The following SGIP1 variants were observed in gnomAD, a reference collection of about 807,000 sequenced individuals.
SGIP1 encodes the protein SH3-containing GRB2-like protein 3-interacting protein 1.
In SGIP1, 38 loss-of-function variants were observed where a neutral mutation model predicts 107.5. The ratio of observed to expected loss-of-function variants is 0.35; its 90% CI spans 0.27 to 0.46. The LOEUF (loss-of-function observed/expected upper bound fraction) is 0.46, where lower values mean the gene tolerates loss of function less well. SGIP1 is among the 20% of genes least tolerant of loss of function. The pLI is 1.00. For missense variants in SGIP1, 929 were observed against 1,019.5 expected (o/e 0.91, Z 1.21); for synonymous variants, 365 against 366.1 (o/e 1.00, Z 0.03).
At chr1:66,543,624 A>G (rs1007980921) in intron 1 of SGIP1, among the ~76,000 whole-genome samples, 1 of 152,134 alleles carries the variant, frequency 6.6e-6, no homozygotes, top group Non-Finnish European at 1.5e-5. Flanking sequence ...TCATTGTTCT[A>G]CTGAGTACAC....
chr1:66,591,234 C>T (rs1035952858), intron 1 of SGIP1, among the ~76,000 whole-genome samples: 3 of 152,132 alleles, frequency 2.0e-5, no homozygotes, highest in Non-Finnish European at 4.4e-5. Flanking sequence ...CCAACAATGC[C>T]ATATTCCTGC....
At chr1:66,578,107 A>G (rs755274938) in intron 1 of SGIP1, among the ~76,000 whole-genome samples, 1 of 152,172 alleles carries the variant, frequency 6.6e-6, no homozygotes, top group Non-Finnish European at 1.5e-5. Flanking sequence ...ATACATTCCT[A>G]TTACTACTGG....
At chr1:66,606,998 T>C (rs2066977227) in intron 1 of SGIP1, among the ~76,000 whole-genome samples, 2 of 152,312 alleles carry the variant, frequency 1.3e-5, no homozygotes, top group Non-Finnish European at 2.9e-5. Flanking sequence ...TGTTCATGAA[T>C]ATGTTTTTCC....
intron 2 of SGIP1, among the ~76,000 whole-genome samples, chr1:66,630,603 T>C (rs1294668799): frequency 6.6e-6 from 1 of 151,538 alleles, no homozygotes; most frequent in Non-Finnish European, 1.5e-5. Flanking sequence ...TGTCAAGAGT[T>C]TGAGACCAGC....
intron 1 of SGIP1, among the ~76,000 whole-genome samples, chr1:66,592,610 A>C (rs1242579408): frequency 6.6e-6 from 1 of 152,148 alleles, no homozygotes; most frequent in Non-Finnish European, 1.5e-5. Flanking sequence ...TCTCCTTCAA[A>C]GTTCATAGTT....
intron 3 of SGIP1, among the ~76,000 whole-genome samples, chr1:66,633,297 C>T (rs1254874382): frequency 6.6e-6 from 1 of 152,052 alleles, no homozygotes; most frequent in East Asian, 1.9e-4. Flanking sequence ...TGGCATTTAC[C>T]TAAAACCCTG....
intron 7 of SGIP1, among the ~76,000 whole-genome samples, chr1:66,644,916 C>T (rs1012759897): frequency 2.0e-5 from 3 of 152,152 alleles, no homozygotes; most frequent in African/African-American, 7.2e-5. Flanking sequence ...TCTTTTCCTT[C>T]TATAATGGAA....
chr1:66,649,218 A>T (rs1032287610), intron 7 of SGIP1, among the ~76,000 whole-genome samples: 23 of 151,844 alleles, frequency 1.5e-4, no homozygotes, highest in Non-Finnish European at 2.5e-4. Context: ...GCCAAATCTG[A>T]TCTGCCTTTT....
chr1:66,538,293 T>A (rs2054103319), intron 1 of SGIP1, among the ~76,000 whole-genome samples: 1 of 152,146 alleles, frequency 6.6e-6, no homozygotes, highest in African/African-American at 2.4e-5. Context: ...TGCTTCTAAT[T>A]TTCCTACTGA....
intron 15 of SGIP1, among the ~76,000 whole-genome samples, chr1:66,684,499 A>G (rs2087710347): frequency 6.6e-6 from 1 of 152,174 alleles, no homozygotes; most frequent in Admixed American, 6.5e-5. Context: ...AAACCCAAAG[A>G]CATTACTCGT....
At chr1:66,560,086 C>T (rs2058715173) in intron 1 of SGIP1, among the ~76,000 whole-genome samples, 1 of 152,088 alleles carries the variant, frequency 6.6e-6, no homozygotes, top group Non-Finnish European at 1.5e-5. Context: ...GAGCAATACA[C>T]CAACTCATCA....
intron 15 of SGIP1, 29 bp downstream of exon 15, chr1:66,682,398 G>A: frequency 1.3e-6 from 2 of 1,578,988 alleles, no homozygotes; most frequent in East Asian, 2.2e-5. Context: ...TGTGCTTCTT[G>A]TGACGGGGAA....
intron 8 of SGIP1, among the ~76,000 whole-genome samples, chr1:66,661,864 T>C: frequency 6.6e-6 from 1 of 151,982 alleles, no homozygotes. Context: ...TACAAGAATA[T>C]CCCCCCCATC....
chr1:66,599,679 C>A (rs77524962), intron 1 of SGIP1, among the ~76,000 whole-genome samples: 1 of 152,034 alleles, frequency 6.6e-6, no homozygotes, highest in Non-Finnish European at 1.5e-5. Flanking sequence ...TTTGAGTATA[C>A]GAGGAAAATG....
At chr1:66,601,807 T>G (rs529751574) in intron 1 of SGIP1, among the ~76,000 whole-genome samples, 1 of 152,244 alleles carries the variant, frequency 6.6e-6, no homozygotes, top group African/African-American at 2.4e-5. Flanking sequence ...ATTTTTAGAA[T>G]GCTTGTCAAG....
In SGIP1 at chr1:66,745,038, A is replaced by T. The variant is rs2094534206; in HGVS notation, c.*1943A>T. The T allele has an allele frequency of 6.6e-6, 1 of 152,532 alleles. No individual in the cohort carries two copies. Among genetic ancestry groups the T allele is most frequent in the African/African-American group, 2.4e-5 (1 of 41,450 alleles). 9.4% of individuals were successfully genotyped at this position (152,532 alleles called of 1,614,324 possible). On this transcript the variant is annotated 3_prime_UTR_variant, in exon 25 of 25. Transcript: ENST00000371037. The stretch of plus-strand genomic sequence containing the variant: ...GTGTTTTTAAGTAATCAATTCATTT[A>T]AAAAATTGAATATTAATACAAAGCA...
intron 1 of SGIP1, among the ~76,000 whole-genome samples, chr1:66,614,492 C>T (rs2068728280): frequency 6.6e-6 from 1 of 152,148 alleles, no homozygotes; most frequent in Admixed American, 6.5e-5. Flanking sequence ...GCCTTTAAGG[C>T]CTCTCCAAAG....
At chr1:66,563,316 T>G (rs10749762) in intron 1 of SGIP1, among the ~76,000 whole-genome samples, 55,537 of 151,528 alleles carry the variant, frequency 0.37, 11,005 homozygotes, top group South Asian at 0.64. Flanking sequence ...TGTCCCTCTG[T>G]CTGACTCCCG....
chr1:66,597,897 G>T (rs1484965642), intron 1 of SGIP1, among the ~76,000 whole-genome samples: 1 of 152,090 alleles, frequency 6.6e-6, no homozygotes, highest in African/African-American at 2.4e-5. Flanking sequence ...TCGACAAATT[G>T]AGTAATTTTG....
Sources: allele counts gnomAD v4.1 joint callset (sites outside exome capture counted in the v4.1 genomes callset), GRCh38; gene constraint gnomAD v4.1.1; transcripts MANE v1.5; gene names NCBI Gene and HGNC (gene_info 2026-07-23, HGNC 2026-07-21).